Variants in STK25 observed in about 807,000 individuals in gnomAD.
The protein encoded by STK25 is serine/threonine kinase 25.
Under a neutral mutation model 53.8 loss-of-function variants are expected in STK25, and 29 were observed. The observed-to-expected ratio is 0.54, with a 90% CI of 0.40 to 0.74. The LOEUF (loss-of-function observed/expected upper bound fraction) is 0.74. Among genes scored for constraint, STK25 ranks in the 30% least tolerant of loss-of-function variants. The probability of loss-of-function intolerance (pLI) is 0.00; values close to 1 mark genes in which losing one functional copy is unlikely to be tolerated. For missense variants in STK25, 420 were observed against 568.0 expected (o/e 0.74, Z 2.65); for synonymous variants, 247 against 238.3 (o/e 1.04, Z -0.33).
chr2:241,495,984 T>C (rs1446532744), intron 11 of STK25, among the ~76,000 whole-genome samples: 2 of 152,166 alleles, frequency 1.3e-5, no homozygotes, highest in Non-Finnish European at 2.9e-5. Flanking sequence ...CGTTGGGCGG[T>C]GGAGGGCCCA....
rs532085667 is a variant in STK25, at chr2:241,496,146, G to A, written c.1241+252C>T. On this transcript the variant is annotated intron_variant, in intron 11 of 11. Transcript: ENST00000316586. The surrounding 1 kb of genome is among the most constrained non-coding windows in gnomAD (Gnocchi z 5.8). ...GGACAGCCATGTGGCCACTGAGGCC[G>A]GGACCCTGAGACACTGCCTCAGACC... is the stretch of plus-strand genomic sequence containing the variant. 8.5e-5 allele frequency among the ~76,000 whole-genome samples: 13 copies of A among 152,252 alleles called. No individual in the cohort carries two copies. Among genetic ancestry groups the A allele is most frequent in the South Asian group, 8.3e-4 (4 of 4,824 alleles).
chr2:241,507,403 G>C lies in STK25; in HGVS notation c.30+603C>G, dbSNP rs1005508343. Among the ~76,000 whole-genome samples, 8 of 152,360 alleles carry C rather than the reference G, an allele frequency of 5.3e-5. No individual in the cohort carries two copies. The South Asian group carries it at 1.2e-3, about 24-fold the overall frequency. On this transcript the variant is annotated intron_variant, in intron 2 of 11. Transcript: ENST00000316586. The stretch of plus-strand genomic sequence containing the variant: ...GGAAACGACTTCTTTAAAGAAGAAA[G>C]ATGAGTCTCATGTTCGGGCAACCGC...
At chr2:241,505,049 C>T (rs1286799067) in intron 2 of STK25, among the ~76,000 whole-genome samples, 1 of 151,822 alleles carries the variant, frequency 6.6e-6, no homozygotes, top group East Asian at 1.9e-4. Context: ...CCCGAGTAGC[C>T]GGACTTACAG....
At chr2:241,497,967 T>TCC (rs1236557021) in intron 9 of STK25, among the ~76,000 whole-genome samples, 1 of 151,206 alleles carries the variant, frequency 6.6e-6, no homozygotes, top group Non-Finnish European at 1.5e-5. Flanking sequence ...GGCTTGTGAC[T>TCC]CCCACCCTCT....
chr2:241,508,360 C>T (rs2065986276), intron 1 of STK25, 83 bp downstream of exon 1: 2 of 1,048,324 alleles, frequency 1.9e-6, no homozygotes, highest in South Asian at 2.9e-5. Context: ...GCCCCGGTGT[C>T]CCCGCCACCG....
chr2:241,505,530 CCT>C (rs1487449461), intron 2 of STK25, among the ~76,000 whole-genome samples: 5 of 152,348 alleles, frequency 3.3e-5, no homozygotes, highest in African/African-American at 9.6e-5. Flanking sequence ...GATGACGCGT[CCT>C]CCCGCCCTGC....
intron 2 of STK25, among the ~76,000 whole-genome samples, chr2:241,507,048 TC>T (rs1218338342): frequency 6.6e-6 from 1 of 152,114 alleles, no homozygotes; most frequent in Non-Finnish European, 1.5e-5. Context: ...CCCTTCCTGT[TC>T]CACTGCAGGC....
chr2:241,505,396 T>C (rs2065764178), intron 2 of STK25, among the ~76,000 whole-genome samples: 1 of 152,194 alleles, frequency 6.6e-6, no homozygotes. Flanking sequence ...GTTGGTGCCC[T>C]GAGCTTGTGT....
At chr2:241,505,500 C>T (rs1436567583) in intron 2 of STK25, among the ~76,000 whole-genome samples, 2 of 152,136 alleles carry the variant, frequency 1.3e-5, no homozygotes, top group Non-Finnish European at 2.9e-5. Context: ...ACCACCCCTC[C>T]GACTCTTCAG....
chr2:241,497,348 T>TGAG (rs2065235763), intron 10 of STK25: 1 of 432,376 alleles, frequency 2.3e-6, no homozygotes, highest in Non-Finnish European at 4.2e-6. Context: ...CTTCTCTGCT[T>TGAG]TCTCTATAGA....
chr2:241,499,292 G>A lies in STK25; in HGVS notation c.550C>T (p.Pro184Ser). ...TAGGCCGACTGCTTGATGACCTCAG[G>A]TGCCATCCAGAAGGGGGTGCCCACG... ...TFVGTPFWMA[P>S]EVIKQSAYDF... Residue 184 changes from proline to serine, a missense_variant, in exon 6 of 12, where the codon CCT (proline) becomes TCT (serine). Pro to Ser is a moderately conservative substitution (Grantham distance 74). Coordinates refer to ENST00000316586, the MANE Select transcript of STK25 (RefSeq NM_001271977.2). The A allele has an allele frequency of 6.2e-7, 1 of 1,614,024 alleles. No individual in the cohort carries two copies. The highest frequency in any genetic ancestry group is 8.5e-7 in the Non-Finnish European group (1 of 1,179,994).
In STK25 at chr2:241,493,777, A is replaced by C. The variant is rs2065023079; in HGVS notation, c.*1885T>G. On this transcript the variant is annotated 3_prime_UTR_variant, in exon 12 of 12. Transcript: ENST00000316586. The stretch of plus-strand genomic sequence containing the variant: ...CCGCCTGGCTAATTTTTGTATTTTT[A>C]GTAGAGACAGGGTTTCACCATGTTG... The C allele has an allele frequency of 4.2e-6, 2 of 479,108 alleles. No individual in the cohort carries two copies. Among genetic ancestry groups the C allele is most frequent in the South Asian group, 6.9e-5 (2 of 28,914 alleles). The allele number at this position is 479,108 out of a possible 1,614,324, so 29.7% of individuals were successfully genotyped here.
Position 241,493,963 on chromosome 2 carries a change from G to C in STK25, c.*1699C>G, listed in dbSNP as rs759948740. 1.3e-5 allele frequency: 16 copies of C among 1,218,526 alleles called. No individual in the cohort carries two copies. The South Asian group carries it at 3.8e-4, about 29-fold the overall frequency. The allele number at this position is 1,218,526 out of a possible 1,614,324, so 75.5% of individuals were successfully genotyped here. ...CTGGGTTGTTCTTGGGACAGTGTCTGAGCACAAGATGGCTCACTGGTCTGA... is the reference window on the plus strand; with the variant it reads ...CTGGGTTGTTCTTGGGACAGTGTCTCAGCACAAGATGGCTCACTGGTCTGA... On this transcript the variant is annotated 3_prime_UTR_variant, in exon 12 of 12. Transcript: ENST00000316586.
At position 241,495,574 on chromosome 2, in the gene STK25, C is replaced by T. The variant is rs1314431824; in HGVS notation, c.*88G>A. ...GTGTCCCTGCAGGCACGACATAGCA[C>T]AGGGCACCTTCCAAGTCAGCACAGT... On this transcript the variant is annotated 3_prime_UTR_variant, in exon 12 of 12. Coordinates refer to ENST00000316586, the MANE Select transcript of STK25 (RefSeq NM_001271977.2). 52 of 1,485,826 alleles carry T rather than the reference C, an allele frequency of 3.5e-5. No individual in the cohort carries two copies. The highest frequency in any genetic ancestry group is 4.6e-5 in the Non-Finnish European group (49 of 1,064,066). The allele number at this position is 1,485,826 out of a possible 1,614,324, so 92.0% of individuals were successfully genotyped here.
rs376767071 is a variant in STK25 at position 241,501,746 on chromosome 2, C to T, written c.31-38G>A. ...GGCGGGGACAGAGGGCAGACAGCGCCGGTCACAAGAGGCGGGGGACAGGCA... is the reference window on the plus strand; with the variant it reads ...GGCGGGGACAGAGGGCAGACAGCGCTGGTCACAAGAGGCGGGGGACAGGCA... On this transcript the variant is annotated intron_variant, in intron 2 of 11. Transcript: ENST00000316586. This position sits in a 1 kb window ranked among gnomAD's most constrained non-coding sequence, Gnocchi z 5.3. 8.5e-5 allele frequency: 132 copies of T among 1,545,566 alleles called. No homozygotes were observed. Among genetic ancestry groups the T allele is most frequent in the Admixed American group, 3.7e-4 (22 of 59,368 alleles).
chr2:241,508,633 C>T, upstream of STK25: 5 of 986,912 alleles, frequency 5.1e-6, no homozygotes, highest in Non-Finnish European at 6.0e-6. Flanking sequence ...CCGCGCACGG[C>T]TCTCTGGGAC....
intron 2 of STK25, among the ~76,000 whole-genome samples, chr2:241,504,419 GGATA>G (rs2065697919): frequency 1.3e-5 from 2 of 152,216 alleles, no homozygotes; most frequent in African/African-American, 4.8e-5. Context: ...AAACTCGGCA[GGATA>G]GAGAGAGCTG....
At position 241,500,296 on chromosome 2, in the gene STK25, G is replaced by A. The variant is rs768074562; in HGVS notation, c.319-15C>T. The A allele has an allele frequency of 1.9e-6, 3 of 1,588,902 alleles. No individual in the cohort carries two copies. In the East Asian group the frequency reaches 6.7e-5, roughly 36 times the overall value. On this transcript the variant is annotated splice_polypyrimidine_tract_variant and intron_variant, in intron 4 of 11. Coordinates refer to ENST00000316586, the MANE Select transcript of STK25 (RefSeq NM_001271977.2). ...CCTGGTTTAAGCTGGAGAGGAAGGT[G>A]CGACAGCAGGGCCTCAGCTCCTGTC...
intron 10 of STK25, among the ~76,000 whole-genome samples, chr2:241,497,028 CT>C: frequency 6.6e-6 from 1 of 152,328 alleles, no homozygotes; most frequent in African/African-American, 2.4e-5. Flanking sequence ...CGAGTGGCTG[CT>C]TCCCGCTGGG....
Sources: allele counts gnomAD v4.1 joint callset (sites outside exome capture counted in the v4.1 genomes callset), GRCh38; gene constraint gnomAD v4.1.1; non-coding constraint Gnocchi (gnomAD v3.1); transcripts MANE v1.5; gene names NCBI Gene and HGNC (gene_info 2026-07-23, HGNC 2026-07-21).